TTLL11: variants seen among roughly 807,000 people sequenced by gnomAD.
TTLL11 encodes tubulin tyrosine ligase like 11, also known as tubulin polyglutamylase TTLL11.
Under a neutral mutation model 51.7 loss-of-function variants are expected in TTLL11, and 42 were observed. The observed-to-expected ratio is 0.81, with a 90% CI of 0.64 to 1.05. The LOEUF is 1.05. Among genes scored for constraint, TTLL11 ranks in the 50% least tolerant of loss-of-function variants. TTLL11 has a pLI of 0.00. For missense variants in TTLL11, 799 were observed against 940.4 expected, an observed-to-expected ratio of 0.85 and a Z score of 1.97; for synonymous variants, 381 against 383.5, an observed-to-expected ratio of 0.99 and a Z score of 0.08.
chr9:121,975,734 A>C (rs887050361), intron 4 of TTLL11, among the ~76,000 whole-genome samples: 18 of 152,030 alleles, frequency 1.2e-4, no homozygotes, highest in African/African-American at 4.1e-4. Flanking sequence ...AACAAACAAA[A>C]AAACCCACCA....
chr9:121,826,467 G>GTA (rs374014946), intron 8 of TTLL11, among the ~76,000 whole-genome samples: 17 of 97,044 alleles, frequency 1.8e-4, no homozygotes, highest in African/African-American at 4.0e-4. Flanking sequence ...ATATATGTGT[G>GTA]TATATATATA....
rs1218182427 is a variant in TTLL11 at position 121,995,477 on chromosome 9, G to A, written c.694-5707C>T. Reference sequence around the variant, plus strand: ...GAGAAGAGGTAGAATCAGGGCACCTGGTGACTGGACAGATGTGAAAGGCGA... The same window carrying A: ...GAGAAGAGGTAGAATCAGGGCACCTAGTGACTGGACAGATGTGAAAGGCGA... On this transcript the variant is annotated intron_variant, in intron 3 of 8. Transcript: ENST00000321582. This position sits in a 1 kb window ranked among gnomAD's most constrained non-coding sequence, Gnocchi z 4.4. Among the ~76,000 whole-genome samples the A allele has an allele frequency of 1.3e-5, 2 of 152,138 alleles. No individual in the cohort carries two copies. Among genetic ancestry groups the A allele is most frequent in the African/African-American group, 4.8e-5 (2 of 41,422 alleles).
chr9:121,877,408 GAC>G (rs780947788), intron 6 of TTLL11, among the ~76,000 whole-genome samples: 20 of 152,148 alleles, frequency 1.3e-4, no homozygotes, highest in Non-Finnish European at 2.9e-4. Flanking sequence ...GAAGGTGATA[GAC>G]TCTAAAACAG....
At chr9:122,045,191 T>A (rs1844969333) in intron 1 of TTLL11, among the ~76,000 whole-genome samples, 1 of 151,908 alleles carries the variant, frequency 6.6e-6, no homozygotes, top group Non-Finnish European at 1.5e-5. Flanking sequence ...AGAAAGCTGC[T>A]GTAGTTAAAA....
intron 8 of TTLL11, among the ~76,000 whole-genome samples, chr9:121,829,457 A>G (rs1015268090): frequency 6.6e-6 from 1 of 152,298 alleles, no homozygotes. Context: ...TGAAATGGCT[A>G]TAGACTTTTG....
chr9:122,090,332 C>T (rs948533734), intron 1 of TTLL11, among the ~76,000 whole-genome samples: 1 of 151,988 alleles, frequency 6.6e-6, no homozygotes, highest in African/African-American at 2.4e-5. Context: ...CCTTCCTCCC[C>T]AAAACAGGTC....
intron 6 of TTLL11, among the ~76,000 whole-genome samples, chr9:121,886,718 TG>T (rs1564288581): frequency 6.6e-6 from 1 of 152,160 alleles, no homozygotes; most frequent in Non-Finnish European, 1.5e-5. Context: ...TAGGTACCCT[TG>T]GGGGTTACTG....
chr9:122,034,432 AAGAAGC>A (rs1844644755), intron 2 of TTLL11, among the ~76,000 whole-genome samples: 3 of 152,224 alleles, frequency 2.0e-5, no homozygotes, highest in African/African-American at 7.2e-5. Flanking sequence ...TGGCCAACTT[AAGAAGC>A]ACCCCTGGAA....
At chr9:121,852,359 C>G (rs1418789649) in intron 8 of TTLL11, among the ~76,000 whole-genome samples, 1 of 152,130 alleles carries the variant, frequency 6.6e-6, no homozygotes, top group African/African-American at 2.4e-5. Flanking sequence ...GGTGCAGTGC[C>G]CCCTCTCAGG....
intron 6 of TTLL11, among the ~76,000 whole-genome samples, chr9:121,938,262 C>G (rs1841305010): frequency 7.0e-6 from 1 of 142,938 alleles, no homozygotes; most frequent in African/African-American, 2.7e-5. Context: ...ACACTCCAGC[C>G]TGGGGAACAG....
intron 3 of TTLL11, among the ~76,000 whole-genome samples, chr9:122,011,989 T>C (rs1843803645): frequency 6.6e-6 from 1 of 152,172 alleles, no homozygotes; most frequent in Non-Finnish European, 1.5e-5. Context: ...ATCCTTTCAT[T>C]AGCAAGGCCA....
At chr9:122,088,864 G>C (rs1260017886) in intron 1 of TTLL11, among the ~76,000 whole-genome samples, 2 of 151,926 alleles carry the variant, frequency 1.3e-5, no homozygotes, top group Non-Finnish European at 2.9e-5. Context: ...AAATTAGCCA[G>C]GGATGGTGAC....
chr9:121,947,272 A>G (rs1463542709), intron 6 of TTLL11, among the ~76,000 whole-genome samples: 2 of 152,168 alleles, frequency 1.3e-5, no homozygotes, highest in African/African-American at 4.8e-5. Context: ...ACTACCCATC[A>G]GGAAGTGTTT....
intron 6 of TTLL11, among the ~76,000 whole-genome samples, chr9:121,961,568 T>C (rs1314577530): frequency 6.6e-6 from 1 of 152,100 alleles, no homozygotes; most frequent in Non-Finnish European, 1.5e-5. Context: ...CCAGAGTACA[T>C]CTCTATTCCT....
intron 6 of TTLL11, among the ~76,000 whole-genome samples, chr9:121,908,392 G>A (rs1371749767): frequency 6.6e-6 from 1 of 152,120 alleles, no homozygotes; most frequent in East Asian, 1.9e-4. Flanking sequence ...CGGGGCCAAG[G>A]CAGCATCATA....
chr9:121,903,089 G>T (rs543383720), intron 6 of TTLL11, among the ~76,000 whole-genome samples: 4 of 152,260 alleles, frequency 2.6e-5, no homozygotes, highest in Admixed American at 6.5e-5. Flanking sequence ...AAAGGTAATA[G>T]TCACAATGGG....
rs1837743467 is a variant in TTLL11, at chr9:121,853,995, G to A, written c.1840+6342C>T. 6.6e-6 allele frequency among the ~76,000 whole-genome samples: 1 copy of A among 152,188 alleles called. No individual in the cohort carries two copies. Among genetic ancestry groups the A allele is most frequent in the African/African-American group, 2.4e-5 (1 of 41,440 alleles). ...CTGAGCATTTTCCACAGGCAGACATGGCCCTGAGCGCTTTCCGTGTTTTGT... is the reference window on the plus strand; with the variant it reads ...CTGAGCATTTTCCACAGGCAGACATAGCCCTGAGCGCTTTCCGTGTTTTGT... On this transcript the variant is annotated intron_variant, in intron 8 of 8. Transcript: ENST00000321582. This position sits in a 1 kb window ranked among gnomAD's most constrained non-coding sequence, Gnocchi z 5.6.
chr9:121,931,480 C>T (rs1402742845), intron 6 of TTLL11, among the ~76,000 whole-genome samples: 2 of 150,638 alleles, frequency 1.3e-5, no homozygotes, highest in African/African-American at 4.9e-5. Context: ...TGGTGGCTTA[C>T]ACCTGTAATC....
chr9:122,075,226 G>A (rs1845831954), intron 1 of TTLL11, among the ~76,000 whole-genome samples: 1 of 152,178 alleles, frequency 6.6e-6, no homozygotes, highest in Non-Finnish European at 1.5e-5. Flanking sequence ...CTTGAGGAAT[G>A]GGTCCCTTTT....
Sources: allele counts gnomAD v4.1 joint callset (sites outside exome capture counted in the v4.1 genomes callset), GRCh38; gene constraint gnomAD v4.1.1; non-coding constraint Gnocchi (gnomAD v3.1); transcripts MANE v1.5; gene names NCBI Gene and HGNC (gene_info 2026-07-23, HGNC 2026-07-21).